AGBL1: variants seen among roughly 807,000 people sequenced by gnomAD.
AGBL1 encodes the protein cytosolic carboxypeptidase 4.
AGBL1 carries 130 observed loss-of-function variants against 118.9 expected under a neutral mutation model. That is an observed-to-expected ratio of 1.09 (90% confidence interval 0.95 to 1.26). The LOEUF (loss-of-function observed/expected upper bound fraction) is 1.26, where lower values mean the gene tolerates loss of function less well. Among genes scored for constraint, AGBL1 ranks in the 50% most tolerant of loss-of-function variants. AGBL1 has a pLI of 0.00. For synonymous variants in AGBL1, 555 were observed against 478.9 expected, an observed-to-expected ratio of 1.16 and a Z score of -2.08; for missense variants, 1,584 against 1,298.1, an observed-to-expected ratio of 1.22 and a Z score of -3.38.
intron 17 of AGBL1, among the ~76,000 whole-genome samples, chr15:86,321,152 A>G (rs139692539): frequency 7.2e-5 from 11 of 152,236 alleles, no homozygotes; most frequent in African/African-American, 2.4e-4. Flanking sequence ...AATTCTCTGA[A>G]GAGTGTGTGT....
chr15:86,541,069 T>C (rs1230601123), intron 19 of AGBL1, among the ~76,000 whole-genome samples: 1 of 152,266 alleles, frequency 6.6e-6, no homozygotes, highest in African/African-American at 2.4e-5. Flanking sequence ...GACACAGTTT[T>C]AATTTGTTTG....
intron 17 of AGBL1, among the ~76,000 whole-genome samples, chr15:86,335,306 T>C (rs1431517685): frequency 6.6e-6 from 1 of 151,942 alleles, no homozygotes; most frequent in African/African-American, 2.4e-5. Context: ...GCCCAGCTAA[T>C]TTTTTGTATT....
intron 19 of AGBL1, among the ~76,000 whole-genome samples, chr15:86,526,450 A>C (rs1781805885): frequency 6.6e-6 from 1 of 150,988 alleles, no homozygotes; most frequent in Non-Finnish European, 1.5e-5. Flanking sequence ...TAATTGCCCA[A>C]AGATATGGAA....
At chr15:86,271,818 CT>C in intron 15 of AGBL1, 112 bp downstream of exon 15, 2 of 1,023,870 alleles carry the variant, frequency 2.0e-6, no homozygotes, top group Non-Finnish European at 3.0e-6. Flanking sequence ...GTCTGCTAAA[CT>C]TTTTGTCACT....
At chr15:86,183,509 A>G (rs139006479) in intron 5 of AGBL1, among the ~76,000 whole-genome samples, 82 of 152,308 alleles carry the variant, frequency 5.4e-4, no homozygotes, top group Non-Finnish European at 1.0e-3. Context: ...TTTTCACCAC[A>G]CCATGCTGTA....
chr15:86,648,549 G>T (rs538118329), intron 21 of AGBL1, among the ~76,000 whole-genome samples: 3 of 152,156 alleles, frequency 2.0e-5, no homozygotes, highest in Non-Finnish European at 4.4e-5. Context: ...AAAATGTTTT[G>T]TGTAAGATTT....
intron 23 of AGBL1, among the ~76,000 whole-genome samples, chr15:86,930,164 G>A (rs1267360993): frequency 6.6e-6 from 1 of 152,020 alleles, no homozygotes; most frequent in Non-Finnish European, 1.5e-5. Context: ...AAAATATAAC[G>A]AATATCACTG....
At chr15:86,256,432 C>G (rs1051710752) in intron 7 of AGBL1, among the ~76,000 whole-genome samples, 1 of 152,198 alleles carries the variant, frequency 6.6e-6, no homozygotes, top group Admixed American at 6.5e-5. Context: ...AGCAAAACTT[C>G]CATCAATTCA....
At chr15:86,792,513 T>C (rs1222255518) in intron 22 of AGBL1, among the ~76,000 whole-genome samples, 1 of 152,226 alleles carries the variant, frequency 6.6e-6, no homozygotes, top group Non-Finnish European at 1.5e-5. Context: ...ATATGAGTTA[T>C]GTGAATAACT....
chr15:86,131,460 A>G (rs1179435118), intron 1 of AGBL1, among the ~76,000 whole-genome samples: 2 of 152,170 alleles, frequency 1.3e-5, no homozygotes, highest in Non-Finnish European at 2.9e-5. Flanking sequence ...TAAACTTGCT[A>G]TATTTCAAAA....
intron 17 of AGBL1, among the ~76,000 whole-genome samples, chr15:86,359,442 A>C (rs1227420738): frequency 1.6e-5 from 1 of 62,286 alleles, no homozygotes; most frequent in African/African-American, 6.2e-5. Flanking sequence ...TTGTTACTGT[A>C]GTTTTGTAAT....
chr15:86,791,122 C>T (rs2078487459), intron 22 of AGBL1, among the ~76,000 whole-genome samples: 1 of 152,162 alleles, frequency 6.6e-6, no homozygotes, highest in South Asian at 2.1e-4. Context: ...CTGGAAAACA[C>T]ACGAACGTAA....
rs763733878 is a variant in AGBL1 at position 86,913,540 on chromosome 15, G to T, written c.*6246G>T. 4 of 152,196 alleles carry T rather than the reference G, an allele frequency of 2.6e-5. No homozygotes were observed. The South Asian group carries it at 8.3e-4, about 31-fold the overall frequency. 9.4% of individuals were successfully genotyped at this position (152,196 alleles called of 1,614,324 possible). ...CCACATTTAGTTCTTATGACAAGTAGTTAAACAGAGGAGAGCACTGACTGT... is the reference window on the plus strand; with the variant it reads ...CCACATTTAGTTCTTATGACAAGTATTTAAACAGAGGAGAGCACTGACTGT... On this transcript the variant is annotated 3_prime_UTR_variant, in exon 23 of 23. Coordinates refer to ENST00000614907, the MANE Select transcript of AGBL1 (RefSeq NM_001386094.1).
intron 19 of AGBL1, among the ~76,000 whole-genome samples, chr15:86,528,217 G>T (rs28396431): frequency 0.14 from 21,581 of 152,178 alleles, 4,411 homozygotes; most frequent in African/African-American, 0.45. Flanking sequence ...TCACTAGGGA[G>T]TGCCAGACAG....
At position 86,141,863 on chromosome 15, in the gene AGBL1, G is replaced by A; in HGVS notation, c.52-141G>A. ...ACAGCCCCTGGGTCTCTTACCAAGTGAATCCCCTTGCCTGTCCTTTCGCTG... is the reference window on the plus strand; with the variant it reads ...ACAGCCCCTGGGTCTCTTACCAAGTAAATCCCCTTGCCTGTCCTTTCGCTG... On this transcript the variant is annotated intron_variant, in intron 1 of 22. Transcript: ENST00000614907. 4 of 797,266 alleles carry A rather than the reference G, an allele frequency of 5.0e-6. No individual in the cohort carries two copies. In the South Asian group the frequency reaches 8.3e-5, roughly 17 times the overall value. 49.4% of individuals were successfully genotyped at this position (797,266 alleles called of 1,614,324 possible).
At chr15:86,569,308 G>A (rs983550112) in intron 21 of AGBL1, among the ~76,000 whole-genome samples, 3 of 151,816 alleles carry the variant, frequency 2.0e-5, no homozygotes, top group African/African-American at 7.3e-5. Flanking sequence ...GCACGTGCTT[G>A]TGGTTCCAGC....
In AGBL1 at chr15:86,397,449, T is replaced by A; in HGVS notation, c.2458T>A (p.Phe820Ile). The A allele has an allele frequency of 6.2e-7, 1 of 1,612,930 alleles. No individual in the cohort carries two copies. The highest frequency in any genetic ancestry group is 8.5e-7 in the Non-Finnish European group (1 of 1,179,316). ...ASWVMKGTLE[F>I]LVSSDPVARL... Reference sequence around the variant, plus strand: ...TTGGGTGATGAAGGGTACCTTGGAGTTCCTGGTCAGCAGTGACCCTGTGGC... The same window carrying A: ...TTGGGTGATGAAGGGTACCTTGGAGATCCTGGTCAGCAGTGACCCTGTGGC... The change falls in exon 18 of 23, where the codon TTC becomes ATC. Residue 820 changes from phenylalanine to isoleucine, a missense_variant. Coordinates refer to ENST00000614907, the MANE Select transcript of AGBL1 (RefSeq NM_001386094.1).
intron 17 of AGBL1, among the ~76,000 whole-genome samples, chr15:86,388,399 A>G (rs2081228763): frequency 6.6e-6 from 1 of 152,202 alleles, no homozygotes; most frequent in Non-Finnish European, 1.5e-5. Context: ...AATAGAATTA[A>G]AGCAGATTGA....
At chr15:86,779,503 G>A (rs2078301709) in intron 22 of AGBL1, among the ~76,000 whole-genome samples, 1 of 152,116 alleles carries the variant, frequency 6.6e-6, no homozygotes, top group African/African-American at 2.4e-5. Flanking sequence ...TATAAATAGG[G>A]CTGCTATGAA....
Sources: allele counts gnomAD v4.1 joint callset (sites outside exome capture counted in the v4.1 genomes callset), GRCh38; gene constraint gnomAD v4.1.1; transcripts MANE v1.5; gene names NCBI Gene and HGNC (gene_info 2026-07-23, HGNC 2026-07-21).